Variants in ESR1 observed in about 807,000 individuals in gnomAD.
ESR1 encodes the protein estrogen receptor.
A neutral mutation model predicts 52.7 loss-of-function variants in ESR1; 12 were observed. The observed-to-expected ratio is 0.23, with a 90% CI of 0.15 to 0.37. ESR1 has a LOEUF of 0.37. Among genes scored for constraint, ESR1 ranks in the 10% least tolerant of loss-of-function variants. The pLI is 1.00. For missense variants in ESR1, 584 were observed against 779.7 expected, an observed-to-expected ratio of 0.75 and a Z score of 2.99; for synonymous variants, 305 against 316.8, an observed-to-expected ratio of 0.96 and a Z score of 0.39.
At chr6:151,909,134 T>G (rs1797872803) in intron 3 of ESR1, among the ~76,000 whole-genome samples, 1 of 152,230 alleles carries the variant, frequency 6.6e-6, no homozygotes, top group Non-Finnish European at 1.5e-5. Context: ...CACTGAAACT[T>G]AGAGACGGTT....
At chr6:151,807,649 C>T (rs1562423474), upstream of ESR1, 5 of 587,636 alleles carry the variant, frequency 8.5e-6, no homozygotes, top group Non-Finnish European at 1.5e-5. Flanking sequence ...CTCGGGAGAC[C>T]AGTACTTAAA....
At chr6:151,843,849 T>A (rs1784678652) in intron 2 of ESR1, among the ~76,000 whole-genome samples, 1 of 151,786 alleles carries the variant, frequency 6.6e-6, no homozygotes, top group African/African-American at 2.4e-5. Context: ...CCTGCCCTGA[T>A]ATGAGATGAA....
rs150555629 is a variant in ESR1 at position 151,956,006 on chromosome 6, G to T, written c.1096+11498G>T. On this transcript the variant is annotated intron_variant, in intron 4 of 7. Coordinates refer to ENST00000206249, the MANE Select transcript of ESR1 (RefSeq NM_000125.4). The stretch of plus-strand genomic sequence containing the variant: ...TTCTGCTTCTGTGTCAGTTTGCTAA[G>T]GATAATGGTCTCCAATTCCATCCAT... 3.1e-3 allele frequency among the ~76,000 whole-genome samples: 473 copies of T among 152,234 alleles called. 2 individuals carry two copies. The Middle Eastern group carries it at 0.051, about 16-fold the overall frequency.
At chr6:152,114,697 C>T (rs1242532804) in intron 6 of ESR1, among the ~76,000 whole-genome samples, 4 of 151,308 alleles carry the variant, frequency 2.6e-5, no homozygotes, top group South Asian at 2.1e-4. Context: ...CGAGACCATC[C>T]GGGCTAAAAC....
downstream of ESR1, among the ~76,000 whole-genome samples, chr6:152,105,974 T>A (rs1265492258): frequency 2.7e-5 from 4 of 149,592 alleles, no homozygotes; most frequent in Admixed American, 1.3e-4. Context: ...TTTTTTTTTT[T>A]AGTAGAGACG....
intron 4 of ESR1, among the ~76,000 whole-genome samples, chr6:151,974,588 A>G (rs1447505736): frequency 1.3e-5 from 2 of 152,164 alleles, no homozygotes; most frequent in East Asian, 1.9e-4. Context: ...CAGCTTTCCC[A>G]CCTGTGAAAG....
intron 4 of ESR1, among the ~76,000 whole-genome samples, chr6:151,965,308 A>G (rs7739506): frequency 0.043 from 6,589 of 152,270 alleles, 367 homozygotes; most frequent in African/African-American, 0.13. Flanking sequence ...ACATATGTGT[A>G]TAAGTTACTT....
intron 3 of ESR1, among the ~76,000 whole-genome samples, chr6:151,926,759 T>C (rs981067230): frequency 3.9e-5 from 6 of 152,142 alleles, no homozygotes; most frequent in African/African-American, 1.4e-4. Context: ...TGTTGATTCA[T>C]TGGAATTTTC....
intron 1 of ESR1, among the ~76,000 whole-genome samples, chr6:151,827,083 G>A (rs1000791748): frequency 6.6e-6 from 1 of 152,056 alleles, no homozygotes; most frequent in African/African-American, 2.4e-5. Context: ...CAGCACTTTG[G>A]GTGGCTGAGG....
At chr6:151,713,446 C>T (rs1196583614) in intron 2 of ESR1, among the ~76,000 whole-genome samples, 1 of 152,092 alleles carries the variant, frequency 6.6e-6, no homozygotes, top group African/African-American at 2.4e-5. Flanking sequence ...TGGTAGAATT[C>T]GGATGTGAAT....
intron 1 of ESR1, among the ~76,000 whole-genome samples, chr6:151,831,109 C>A (rs544605480): frequency 6.2e-4 from 94 of 151,668 alleles, no homozygotes; most frequent in Non-Finnish European, 1.0e-3. Flanking sequence ...TATTGCTGTC[C>A]TTACAATAAA....
At chr6:151,976,483 A>G (rs550120604) in intron 4 of ESR1, among the ~76,000 whole-genome samples, 55 of 152,144 alleles carry the variant, frequency 3.6e-4, no homozygotes, top group African/African-American at 1.3e-3. Context: ...CTTTCACACC[A>G]TGCCTATAAA....
chr6:151,945,242 A>C (rs3020410), intron 4 of ESR1, among the ~76,000 whole-genome samples: 132,101 of 152,146 alleles, frequency 0.87, 57,384 homozygotes, highest in Middle Eastern at 0.93. Flanking sequence ...AAACCACACA[A>C]AAAAAGAGAA....
chr6:152,006,778 A>G (rs2042365707), intron 4 of ESR1, among the ~76,000 whole-genome samples: 1 of 152,106 alleles, frequency 6.6e-6, no homozygotes, highest in East Asian at 1.9e-4. Context: ...ATTTTGGAGA[A>G]CATTGGGGTC....
chr6:151,884,411 T>A (rs1793478530), intron 3 of ESR1, among the ~76,000 whole-genome samples: 1 of 152,240 alleles, frequency 6.6e-6, no homozygotes, highest in South Asian at 2.1e-4. Flanking sequence ...TACAACATGT[T>A]TTCAACCATT....
chr6:151,658,802 T>C (rs905446748), intron 1 of ESR1, among the ~76,000 whole-genome samples: 1 of 152,154 alleles, frequency 6.6e-6, no homozygotes, highest in Non-Finnish European at 1.5e-5. Flanking sequence ...ATTCCTTATT[T>C]ACAGATAAGG....
intron 5 of ESR1, among the ~76,000 whole-genome samples, chr6:152,012,172 C>T (rs1177353780): frequency 6.6e-6 from 1 of 151,870 alleles, no homozygotes; most frequent in Admixed American, 6.6e-5. Context: ...GCTTCTTGTA[C>T]ATCCATACCA....
upstream of ESR1, among the ~76,000 whole-genome samples, chr6:151,686,087 TTA>T (rs1491198191): frequency 0.015 from 2,185 of 146,096 alleles, 12 homozygotes; most frequent in South Asian, 0.034. Context: ...TTTTTTTTTT[TTA>T]TTTAGAGACG....
intron 4 of ESR1, among the ~76,000 whole-genome samples, chr6:151,999,631 G>A (rs1414235426): frequency 6.6e-6 from 1 of 152,100 alleles, no homozygotes; most frequent in Non-Finnish European, 1.5e-5. Flanking sequence ...AGTCTGTTGT[G>A]TTTTGGATTC....
Sources: gnomAD v4.1 joint callset for allele counts (sites outside exome capture counted in the v4.1 genomes callset) on GRCh38, gnomAD v4.1.1 for gene constraint, MANE v1.5 for transcripts, NCBI Gene and HGNC (gene_info 2026-07-23, HGNC 2026-07-21) for gene names.